The following KCNMA1 variants were observed in gnomAD, a reference collection of about 807,000 sequenced individuals.
KCNMA1 encodes the protein Calcium-activated potassium channel subunit alpha-1.
In KCNMA1, 29 loss-of-function variants were observed where a neutral mutation model predicts 140.0. The observed-to-expected ratio is 0.21, with a 90% CI of 0.15 to 0.28. The LOEUF is 0.28. KCNMA1 is among the 10% of genes least tolerant of loss of function. The pLI is 1.00. For synonymous variants in KCNMA1, 612 were observed against 611.9 expected (o/e 1.00, Z 0.00); for missense variants, 880 against 1,602.2 (o/e 0.55, Z 7.70).
chr10:77,625,865 A>G (rs1382728226), intron 1 of KCNMA1, among the ~76,000 whole-genome samples: 2 of 152,214 alleles, frequency 1.3e-5, no homozygotes, highest in Non-Finnish European at 2.9e-5. Context: ...ATATCTAACC[A>G]GAAGTGGAAT....
chr10:77,301,640 C>T lies in KCNMA1; in HGVS notation c.541-50384G>A, dbSNP rs1267044642. On this transcript the variant is annotated intron_variant, in intron 2 of 27. Coordinates refer to ENST00000286628, the MANE Select transcript of KCNMA1 (RefSeq NM_001161352.2). ...TACACATGACTCATTTCACCAACCA[C>T]GAAGATTCTACCATGCACTGGAGAA... Among the ~76,000 whole-genome samples, 5 of 152,056 alleles carry T rather than the reference C, an allele frequency of 3.3e-5. No homozygotes were observed. In the East Asian group the frequency reaches 7.7e-4, roughly 24 times the overall value.
chr10:77,261,953 G>A (rs887518458), intron 2 of KCNMA1, among the ~76,000 whole-genome samples: 2 of 152,192 alleles, frequency 1.3e-5, no homozygotes, highest in African/African-American at 4.8e-5. Context: ...TTAGGTTTAT[G>A]AGATGAGAAA....
chr10:76,898,799 A>G (rs950040633), intron 25 of KCNMA1, among the ~76,000 whole-genome samples: 5 of 151,934 alleles, frequency 3.3e-5, no homozygotes, highest in African/African-American at 1.2e-4. Context: ...CTTTAATGCT[A>G]TTATTAAATA....
chr10:77,280,332 T>C (rs549985715), intron 2 of KCNMA1, among the ~76,000 whole-genome samples: 50 of 152,320 alleles, frequency 3.3e-4, no homozygotes, highest in African/African-American at 1.1e-3. Context: ...ATTCTGTAAA[T>C]TGTACATAAG....
intron 2 of KCNMA1, among the ~76,000 whole-genome samples, chr10:77,288,012 C>G (rs2071656215): frequency 6.6e-6 from 1 of 152,236 alleles, no homozygotes; most frequent in Non-Finnish European, 1.5e-5. Context: ...TCCGTTATCA[C>G]TCCTGGTTGG....
intron 14 of KCNMA1, among the ~76,000 whole-genome samples, chr10:77,056,645 T>C (rs2095551494): frequency 1.3e-5 from 2 of 152,084 alleles, no homozygotes; most frequent in Admixed American, 1.3e-4. Flanking sequence ...ACAAAAACCT[T>C]AAAGCAACTA....
At chr10:77,418,643 T>C (rs1005264881) in intron 1 of KCNMA1, among the ~76,000 whole-genome samples, 2 of 152,140 alleles carry the variant, frequency 1.3e-5, no homozygotes, top group African/African-American at 4.8e-5. Flanking sequence ...AGCCCTACGA[T>C]GAAGTTGGAT....
At chr10:77,212,804 TG>T (rs1488532014) in intron 3 of KCNMA1, among the ~76,000 whole-genome samples, 3 of 152,146 alleles carry the variant, frequency 2.0e-5, no homozygotes, top group African/African-American at 7.2e-5. Flanking sequence ...CTCTTGACTT[TG>T]ACATCTTCAA....
At chr10:76,975,484 C>T (rs189391452) in intron 19 of KCNMA1, 46 of 152,342 alleles carry the variant, frequency 3.0e-4, no homozygotes, top group African/African-American at 1.1e-3. Flanking sequence ...ACAACCCATA[C>T]TGTGAATTTG....
At chr10:77,017,208 C>T (rs2153474214) in intron 17 of KCNMA1, among the ~76,000 whole-genome samples, 1 of 152,276 alleles carries the variant, frequency 6.6e-6, no homozygotes. Flanking sequence ...AATAGAATTA[C>T]ACAAATGGGA....
intron 1 of KCNMA1, among the ~76,000 whole-genome samples, chr10:77,595,795 C>T (rs1224056654): frequency 3.9e-5 from 6 of 152,112 alleles, no homozygotes; most frequent in Non-Finnish European, 4.4e-5. Flanking sequence ...ACTACAGGTG[C>T]GCGCCATCAT....
chr10:77,237,268 A>G (rs1402115980), intron 3 of KCNMA1, among the ~76,000 whole-genome samples: 3 of 152,194 alleles, frequency 2.0e-5, no homozygotes, highest in African/African-American at 7.2e-5. Context: ...TCAGGTAGGT[A>G]TTATCCACTA....
chr10:77,525,061 T>C (rs1249188648), intron 1 of KCNMA1, among the ~76,000 whole-genome samples: 5 of 152,218 alleles, frequency 3.3e-5, no homozygotes, highest in East Asian at 1.9e-4. Context: ...CGTGTTCGAT[T>C]TTTCTTTGGA....
At chr10:76,910,964 T>G (rs1433334418) in intron 24 of KCNMA1, 1 of 152,104 alleles carries the variant, frequency 6.6e-6, no homozygotes, top group Non-Finnish European at 1.5e-5. Context: ...CAAATTAATT[T>G]CCATTCCCAT....
At chr10:77,509,524 G>A (rs2047565327) in intron 1 of KCNMA1, among the ~76,000 whole-genome samples, 1 of 152,186 alleles carries the variant, frequency 6.6e-6, no homozygotes, top group African/African-American at 2.4e-5. Context: ...AAGTGGAACT[G>A]CTGGATCATG....
intron 15 of KCNMA1, among the ~76,000 whole-genome samples, chr10:77,033,212 G>A (rs2094069507): frequency 6.6e-6 from 1 of 152,142 alleles, no homozygotes; most frequent in Non-Finnish European, 1.5e-5. Flanking sequence ...TTCACATTCA[G>A]GAGCTTTAAT....
intron 1 of KCNMA1, among the ~76,000 whole-genome samples, chr10:77,487,741 A>C (rs1048429404): frequency 6.6e-6 from 1 of 152,196 alleles, no homozygotes; most frequent in African/African-American, 2.4e-5. Context: ...TATTTTAATA[A>C]AAGTAAAATG....
In KCNMA1 at chr10:77,465,463, A is replaced by G. The variant is rs76105672; in HGVS notation, c.379-61440T>C. On this transcript the variant is annotated intron_variant, in intron 1 of 27. Transcript: ENST00000286628. ...ATTACAGAAATACTCAGAGTTTTGG[A>G]GTTAGAACAGCCTGAGTTTGATTCT... Among the ~76,000 whole-genome samples the G allele has an allele frequency of 2.6e-3, 400 of 152,218 alleles. 13 individuals are homozygous for G. The East Asian group carries it at 0.064, about 24-fold the overall frequency.
At chr10:77,056,092 C>A (rs1395034901) in intron 14 of KCNMA1, among the ~76,000 whole-genome samples, 2 of 152,136 alleles carry the variant, frequency 1.3e-5, no homozygotes, top group African/African-American at 4.8e-5. Flanking sequence ...TAAAATCAAG[C>A]CGATCAGGCC....
Sources: gnomAD v4.1 joint callset for allele counts (sites outside exome capture counted in the v4.1 genomes callset) on GRCh38, gnomAD v4.1.1 for gene constraint, MANE v1.5 for transcripts, NCBI Gene and HGNC (gene_info 2026-07-23, HGNC 2026-07-21) for gene names.